STIMATE: variants seen among roughly 807,000 people sequenced by gnomAD.
STIMATE encodes STIM activating enhancer, also known as store-operated calcium entry regulator STIMATE.
In STIMATE, 15 loss-of-function variants were observed where a neutral mutation model predicts 36.7. That is an observed-to-expected ratio of 0.41 (90% confidence interval 0.27 to 0.63). STIMATE has a LOEUF of 0.63. Ranked by LOEUF, STIMATE falls within the 20% of genes least tolerant of loss-of-function variation. STIMATE has a pLI of 0.32. For missense variants in STIMATE, 305 were observed against 397.3 expected (o/e 0.77, Z 1.98); for synonymous variants, 163 against 162.3 (o/e 1.00, Z -0.03).
chr3:52,868,211 C>T (rs564445324), intron 1 of STIMATE, among the ~76,000 whole-genome samples: 2 of 152,340 alleles, frequency 1.3e-5, no homozygotes. Context: ...ACTGAGGTAG[C>T]CTGCTGGCTG....
chr3:52,871,697 T>C (rs1701410916), intron 1 of STIMATE, among the ~76,000 whole-genome samples: 1 of 152,202 alleles, frequency 6.6e-6, no homozygotes, highest in Non-Finnish European at 1.5e-5. Context: ...CAGTGGGGTC[T>C]TTGTAAAGTA....
At chr3:52,895,444 C>T (rs975040475) in intron 1 of STIMATE, among the ~76,000 whole-genome samples, 5 of 152,172 alleles carry the variant, frequency 3.3e-5, no homozygotes, top group African/African-American at 4.8e-5. Context: ...CACCCCAGGA[C>T]CCACCAGCCA....
intron 1 of STIMATE, among the ~76,000 whole-genome samples, chr3:52,885,752 A>G (rs1281824745): frequency 2.0e-5 from 3 of 152,246 alleles, no homozygotes; most frequent in Non-Finnish European, 1.5e-5. Context: ...TTCTCAATGC[A>G]GCGAGACTGC....
chr3:52,861,054 G>C (rs1293034541), intron 1 of STIMATE, among the ~76,000 whole-genome samples: 1 of 152,218 alleles, frequency 6.6e-6, no homozygotes, highest in Non-Finnish European at 1.5e-5. Flanking sequence ...TTGCAGGATG[G>C]AGGGGACTTG....
At chr3:52,892,544 G>A (rs1323086317) in intron 1 of STIMATE, among the ~76,000 whole-genome samples, 1 of 152,196 alleles carries the variant, frequency 6.6e-6, no homozygotes, top group African/African-American at 2.4e-5. Flanking sequence ...AGTTTGTGCT[G>A]GGTTCCAGAC....
intron 1 of STIMATE, among the ~76,000 whole-genome samples, chr3:52,871,126 C>T (rs571529440): frequency 7.2e-5 from 11 of 152,198 alleles, no homozygotes; most frequent in African/African-American, 1.4e-4. Context: ...GATAGTGACT[C>T]GTGATAGTTT....
intron 7 of STIMATE, among the ~76,000 whole-genome samples, 172 bp from the exon 8 acceptor site, chr3:52,840,782 C>T (rs952309032): frequency 1.1e-4 from 16 of 151,846 alleles, no homozygotes; most frequent in Admixed American, 8.5e-4. Flanking sequence ...TCACTGCAAC[C>T]TCTGCCTCCT....
At chr3:52,852,767 G>A in intron 2 of STIMATE, 69 bp from the exon 3 acceptor site, 1 of 1,585,828 alleles carries the variant, frequency 6.3e-7, no homozygotes, top group Non-Finnish European at 8.6e-7. Flanking sequence ...AGGAAAACGA[G>A]AAGACTGAAA....
chr3:52,892,503 CAGA>C (rs1701799049), intron 1 of STIMATE, among the ~76,000 whole-genome samples: 1 of 152,194 alleles, frequency 6.6e-6, no homozygotes, highest in Non-Finnish European at 1.5e-5. Context: ...GCTGGCACTC[CAGA>C]AGGAGGAAAG....
Position 52,897,374 on chromosome 3 carries a change from C to T in STIMATE, c.77G>A (p.Arg26His). Residue 26 changes from arginine (R) to histidine (H), a missense_variant, in exon 1 of 8, where the codon CGC becomes CAC. Around this residue, in one of 3 missense-constraint regions of STIMATE, gnomAD observed 57 missense variants for 57.1 expected, o/e 1.00. Coordinates refer to ENST00000355083, the MANE Select transcript of STIMATE (RefSeq NM_198563.5). ...GTGCATGAGCGCGCCGCTCTCGCAGCGGCCCGCCCCGGACGCGACTGTGGA... is the reference window on the plus strand; with the variant it reads ...GTGCATGAGCGCGCCGCTCTCGCAGTGGCCCGCCCCGGACGCGACTGTGGA... ...PPSTVASGAG[R>H]CESGALMHSF... 1.3e-6 allele frequency: 2 copies of T among 1,505,330 alleles called. No individual in the cohort carries two copies. The highest frequency in any genetic ancestry group is 1.8e-6 in the Non-Finnish European group (2 of 1,133,566). 93.2% of individuals were successfully genotyped at this position (1,505,330 alleles called of 1,614,324 possible).
chr3:52,840,318 C>T lies in STIMATE; in HGVS notation c.*176G>A. The T allele has an allele frequency of 1.4e-6, 1 of 722,922 alleles. No homozygotes were observed. The highest frequency in any genetic ancestry group is 2.2e-6 in the Non-Finnish European group (1 of 461,438). The allele number at this position is 722,922 out of a possible 1,614,324, so 44.8% of individuals were successfully genotyped here. A position where few individuals can be genotyped will look rare whatever the true frequency, so the allele number is the denominator to read the frequency against. The stretch of plus-strand genomic sequence containing the variant: ...CAGTGGCCCCCTCGGGCGCTGGCTC[C>T]TCTTCCCTCTTTTTAAGTCACAGTA... On this transcript the variant is annotated 3_prime_UTR_variant, in exon 8 of 8. Transcript: ENST00000355083.
chr3:52,894,341 G>A (rs1037712682), intron 1 of STIMATE, among the ~76,000 whole-genome samples: 7 of 152,142 alleles, frequency 4.6e-5, no homozygotes, highest in Non-Finnish European at 8.8e-5. Context: ...CAGTCTGCAT[G>A]TTTATGCAGC....
intron 1 of STIMATE, among the ~76,000 whole-genome samples, chr3:52,882,301 T>C (rs1701618756): frequency 6.6e-6 from 1 of 152,218 alleles, no homozygotes; most frequent in Non-Finnish European, 1.5e-5. Flanking sequence ...GTCTTCATAA[T>C]AACCTGATCT....
chr3:52,887,994 G>GTTTTTGTTTTTTTT, intron 1 of STIMATE, among the ~76,000 whole-genome samples: 1 of 52,694 alleles, frequency 1.9e-5, no homozygotes, highest in Non-Finnish European at 3.4e-5. Context: ...AACAGAATCA[G>GTTTTTGTTTTTTTT]TTTTTTTTTT....
At chr3:52,881,425 T>C (rs181888603) in intron 1 of STIMATE, among the ~76,000 whole-genome samples, 1,623 of 152,076 alleles carry the variant, frequency 0.011, 8 homozygotes, top group Non-Finnish European at 0.017. Flanking sequence ...TCAGGAGGGC[T>C]GGGCGCGGTG....
intron 5 of STIMATE, 40 bp from the exon 6 acceptor site, chr3:52,843,838 A>C (rs772751603): frequency 2.1e-6 from 3 of 1,420,504 alleles, no homozygotes; most frequent in Non-Finnish European, 3.0e-6. Flanking sequence ...GGGAGAGGCC[A>C]CCGAGAGTGT....
At chr3:52,840,681 T>A (rs1476318567) in intron 7 of STIMATE, 71 bp from the exon 8 acceptor site, 6 of 1,321,838 alleles carry the variant, frequency 4.5e-6, no homozygotes, top group African/African-American at 1.5e-5. Context: ...CCCTGGACCC[T>A]GGGCCCTTCA....
At position 52,839,723 on chromosome 3, in the gene STIMATE, C is replaced by T. The variant is rs980054764; in HGVS notation, c.*771G>A. 1.3e-5 allele frequency: 2 copies of T among 152,170 alleles called. No homozygotes were observed. Among genetic ancestry groups the T allele is most frequent in the Admixed American group, 6.5e-5 (1 of 15,274 alleles). The allele number at this position is 152,170 out of a possible 1,614,324, so 9.4% of individuals were successfully genotyped here. A position where few individuals can be genotyped will look rare whatever the true frequency, so the allele number is the denominator to read the frequency against. On this transcript the variant is annotated 3_prime_UTR_variant, in exon 8 of 8. Coordinates refer to ENST00000355083, the MANE Select transcript of STIMATE (RefSeq NM_198563.5). ...TCATTTGTCTCATCTTATCATAGGG[C>T]ATCATCTAATAATATTCCAAATAAA...
At chr3:52,849,947 G>C in intron 3 of STIMATE, 34 bp from the exon 4 acceptor site, 1 of 1,601,580 alleles carries the variant, frequency 6.2e-7, no homozygotes, top group Non-Finnish European at 8.5e-7. Context: ...GGTCACGGCA[G>C]AAGCCACGGG....
Sources: allele counts gnomAD v4.1 joint callset (sites outside exome capture counted in the v4.1 genomes callset), GRCh38; gene constraint gnomAD v4.1.1; regional missense constraint gnomAD v4.1.1; transcripts MANE v1.5; gene names NCBI Gene and HGNC (gene_info 2026-07-23, HGNC 2026-07-21).